The following POLN variants were observed in gnomAD, a reference collection of about 807,000 sequenced individuals.
The protein encoded by POLN is DNA polymerase nu.
In POLN, 108 loss-of-function variants were observed where a neutral mutation model predicts 113.5. That is an observed-to-expected ratio of 0.95 (90% CI 0.81 to 1.12). The LOEUF (loss-of-function observed/expected upper bound fraction) is 1.12, where lower values mean the gene tolerates loss of function less well. Among genes scored for constraint, POLN ranks in the 50% most tolerant of loss-of-function variants. The probability of loss-of-function intolerance (pLI) is 0.00; values close to 1 mark genes in which losing one functional copy is unlikely to be tolerated. For synonymous variants in POLN, 386 were observed against 391.5 expected (o/e 0.99, Z 0.17); for missense variants, 1,097 against 1,077.1 (o/e 1.02, Z -0.26).
At chr4:2,195,817 G>A (rs1337049628) in intron 6 of POLN, among the ~76,000 whole-genome samples, 1 of 152,158 alleles carries the variant, frequency 6.6e-6, no homozygotes, top group Admixed American at 6.5e-5. Flanking sequence ...GTTGGTAGAG[G>A]AAAGTTCTTT....
intron 23 of POLN, chr4:2,078,731 C>G (rs1238337290): frequency 1.0e-6 from 1 of 985,346 alleles, no homozygotes; most frequent in Non-Finnish European, 1.2e-6. Flanking sequence ...CCACACGAGT[C>G]TGCTTTGCAT....
At chr4:2,186,067 A>C (rs569875998) in intron 7 of POLN, among the ~76,000 whole-genome samples, 1 of 152,328 alleles carries the variant, frequency 6.6e-6, no homozygotes, top group South Asian at 2.1e-4. Flanking sequence ...ACAGAAGTGA[A>C]AAAACTCCAT....
chr4:2,237,325 A>G (rs1322968605), intron 2 of POLN, among the ~76,000 whole-genome samples: 1 of 151,004 alleles, frequency 6.6e-6, no homozygotes, highest in Non-Finnish European at 1.5e-5. Flanking sequence ...AGTCCTAACT[A>G]CTCAGGAAGT....
intron 19 of POLN, among the ~76,000 whole-genome samples, chr4:2,103,928 G>A (rs1416249416): frequency 3.3e-5 from 5 of 152,232 alleles, no homozygotes; most frequent in Non-Finnish European, 7.3e-5. Context: ...AATGATGACT[G>A]TATTTGTCAC....
At chr4:2,229,629 A>G (rs1166853070) in intron 2 of POLN, 1 of 153,700 alleles carries the variant, frequency 6.5e-6, no homozygotes, top group Non-Finnish European at 1.4e-5. Flanking sequence ...GTTCGAGACC[A>G]ACCTGGCCAA....
chr4:2,167,417 G>A (rs957135581), intron 13 of POLN, among the ~76,000 whole-genome samples: 4 of 152,162 alleles, frequency 2.6e-5, no homozygotes, highest in African/African-American at 7.2e-5. Context: ...CTGCTGAGGG[G>A]AGGGAATTCC....
At chr4:2,146,298 G>C (rs1732136891) in intron 16 of POLN, among the ~76,000 whole-genome samples, 2 of 152,100 alleles carry the variant, frequency 1.3e-5, no homozygotes, top group South Asian at 4.1e-4. Flanking sequence ...CTGAGGTCAG[G>C]AGTTCCAGAC....
chr4:2,099,712 T>C (rs774589313), intron 19 of POLN, among the ~76,000 whole-genome samples: 1 of 152,238 alleles, frequency 6.6e-6, no homozygotes, highest in Non-Finnish European at 1.5e-5. Flanking sequence ...TTGGGTTCAT[T>C]CATTGTGACA....
At chr4:2,234,925 G>A (rs897264866) in intron 2 of POLN, among the ~76,000 whole-genome samples, 4 of 152,102 alleles carry the variant, frequency 2.6e-5, no homozygotes, top group Admixed American at 2.0e-4. Flanking sequence ...TTGCTCTGTC[G>A]CCCAGGCTGG....
intron 19 of POLN, among the ~76,000 whole-genome samples, chr4:2,122,406 T>C (rs1239577844): frequency 1.3e-5 from 2 of 151,938 alleles, no homozygotes; most frequent in East Asian, 3.9e-4. Flanking sequence ...GGGAGGCAAG[T>C]AAAACACCCC....
intron 20 of POLN, among the ~76,000 whole-genome samples, chr4:2,088,354 C>T (rs1463844669): frequency 6.6e-6 from 1 of 152,082 alleles, no homozygotes; most frequent in Non-Finnish European, 1.5e-5. Context: ...CTGGCATTTT[C>T]GTTTATGAAC....
At chr4:2,194,278 G>A (rs560229235) in intron 6 of POLN, among the ~76,000 whole-genome samples, 1 of 152,254 alleles carries the variant, frequency 6.6e-6, no homozygotes, top group East Asian at 1.9e-4. Context: ...TATAGTAAAT[G>A]TTCATTAACA....
In POLN at chr4:2,174,703, G is replaced by C; in HGVS notation, c.1297C>G (p.Pro433Ala). 1.2e-6 allele frequency: 2 copies of C among 1,609,148 alleles called. No homozygotes were observed. The highest frequency in any genetic ancestry group is 1.7e-6 in the Non-Finnish European group (2 of 1,175,802). ...LFRTLELPLI[P>A]ILAVMESHAI... The stretch of plus-strand genomic sequence containing the variant: ...TATGGTAACTTACCTGCCAAAATTG[G>C]TATCAGAGGAAGCTCCAAAGTACGA... The change falls in exon 10 of 26, where the codon CCA becomes GCA. Residue 433 changes from proline to alanine, a missense_variant. By Grantham distance (27) the Pro-to-Ala change is conservative (BLOSUM62 -1). Transcript: ENST00000511885.
At chr4:2,223,463 G>A (rs1055156411) in intron 3 of POLN, among the ~76,000 whole-genome samples, 3 of 152,142 alleles carry the variant, frequency 2.0e-5, no homozygotes, top group East Asian at 1.9e-4. Context: ...AGAATCTACC[G>A]CCTGACGATC....
intron 16 of POLN, among the ~76,000 whole-genome samples, chr4:2,138,291 G>A (rs1042358972): frequency 6.6e-6 from 1 of 152,246 alleles, no homozygotes; most frequent in African/African-American, 2.4e-5. Context: ...AGCCCTAAGA[G>A]CTAGGTGAGG....
chr4:2,128,065 G>T, intron 19 of POLN, 48 bp downstream of exon 19: 2 of 1,219,648 alleles, frequency 1.6e-6, no homozygotes, highest in Non-Finnish European at 2.4e-6. Flanking sequence ...TTAAACTCAT[G>T]TTGGCCTTCC....
At chr4:2,209,657 C>CTTTTTTTT (rs1175117439) in intron 4 of POLN, among the ~76,000 whole-genome samples, 11 of 108,404 alleles carry the variant, frequency 1.0e-4, no homozygotes, top group East Asian at 3.2e-4. Flanking sequence ...TTTCCTTTTC[C>CTTTTTTTT]TTTTTTTTTT....
intron 4 of POLN, among the ~76,000 whole-genome samples, chr4:2,211,441 G>A (rs11937938): frequency 0.25 from 38,532 of 151,820 alleles, 7,799 homozygotes; most frequent in African/African-American, 0.55. Context: ...CTTGTGATAA[G>A]GATTTTAAAT....
intron 16 of POLN, among the ~76,000 whole-genome samples, chr4:2,145,841 C>T (rs953346718): frequency 6.6e-6 from 1 of 152,054 alleles, no homozygotes; most frequent in African/African-American, 2.4e-5. Flanking sequence ...CCAGCATTTA[C>T]TTTTTTTCTT....
Sources: allele counts gnomAD v4.1 joint callset (sites outside exome capture counted in the v4.1 genomes callset), GRCh38; gene constraint gnomAD v4.1.1; transcripts MANE v1.5; gene names NCBI Gene and HGNC (gene_info 2026-07-23, HGNC 2026-07-21).